The following ASTN2 variants were observed in gnomAD, a reference collection of about 807,000 sequenced individuals.
ASTN2 encodes astrotactin-2.
Under a neutral mutation model 139.8 loss-of-function variants are expected in ASTN2, and 54 were observed. That is an observed-to-expected ratio of 0.39 (90% CI 0.31 to 0.48). The LOEUF is 0.48. Among genes scored for constraint, ASTN2 ranks in the 20% least tolerant of loss-of-function variants. ASTN2 has a pLI of 0.95. For synonymous variants in ASTN2, 756 were observed against 719.5 expected (o/e 1.05, Z -0.81); for missense variants, 1,565 against 1,725.1 (o/e 0.91, Z 1.64).
At chr9:117,008,025 G>T in intron 7 of ASTN2, 67 bp downstream of exon 7, 1 of 1,454,556 alleles carries the variant, frequency 6.9e-7, no homozygotes, top group Non-Finnish European at 9.1e-7. Flanking sequence ...TAGGTAGAGG[G>T]AGCACAATGC....
At chr9:116,570,086 T>G (rs1853434804) in intron 19 of ASTN2, among the ~76,000 whole-genome samples, 1 of 152,176 alleles carries the variant, frequency 6.6e-6, no homozygotes, top group Admixed American at 6.5e-5. Flanking sequence ...CTCCCTAACT[T>G]TGTTGTCTTG....
intron 10 of ASTN2, among the ~76,000 whole-genome samples, chr9:116,964,265 G>GCGCGCGCGCA (rs138836463): frequency 0.055 from 8,278 of 149,370 alleles, 361 homozygotes; most frequent in Non-Finnish European, 0.075. Context: ...GTGCGCGCGC[G>GCGCGCGCGCA]CGCGTGTGTG....
intron 19 of ASTN2, among the ~76,000 whole-genome samples, chr9:116,594,191 C>G (rs1254076610): frequency 6.6e-6 from 1 of 152,204 alleles, no homozygotes; most frequent in African/African-American, 2.4e-5. Context: ...CTCAATACAT[C>G]AATAGTAATC....
At chr9:116,653,338 T>C (rs991722198) in intron 16 of ASTN2, among the ~76,000 whole-genome samples, 15 of 152,332 alleles carry the variant, frequency 9.8e-5, no homozygotes, top group African/African-American at 3.4e-4. Context: ...TAAACTCTCA[T>C]CTCTGTTTCA....
intron 11 of ASTN2, among the ~76,000 whole-genome samples, chr9:116,836,015 G>T (rs955787415): frequency 4.6e-5 from 7 of 152,074 alleles, no homozygotes; most frequent in African/African-American, 1.7e-4. Context: ...GGAAGGTAGT[G>T]GCCTTGTTAC....
At chr9:117,093,073 GC>G (rs1354770368) in intron 5 of ASTN2, among the ~76,000 whole-genome samples, 1 of 152,144 alleles carries the variant, frequency 6.6e-6, no homozygotes, top group Non-Finnish European at 1.5e-5. Context: ...TCAGAAATAT[GC>G]CCCATGTCCC....
At chr9:116,835,868 C>T (rs1831974210) in intron 11 of ASTN2, among the ~76,000 whole-genome samples, 1 of 152,124 alleles carries the variant, frequency 6.6e-6, no homozygotes. Flanking sequence ...CTCACTATAG[C>T]CTCAAACTCC....
intron 3 of ASTN2, among the ~76,000 whole-genome samples, chr9:117,213,782 A>G (rs1832219582): frequency 6.6e-6 from 1 of 152,198 alleles, no homozygotes; most frequent in African/African-American, 2.4e-5. Context: ...GAAAAATTAG[A>G]ATTTCTGTCT....
chr9:117,167,756 T>G (rs1188714758), intron 3 of ASTN2, among the ~76,000 whole-genome samples: 1 of 152,108 alleles, frequency 6.6e-6, no homozygotes, highest in African/African-American at 2.4e-5. Context: ...GAGAGAGACA[T>G]CAAGTAATTT....
rs557481324 is a variant in ASTN2 at position 116,841,049 on chromosome 9, G to A, written c.2041-20266C>T. The stretch of plus-strand genomic sequence containing the variant: ...GGCTGCTGGGAGGTGGAGGTTGCAC[G>A]AGCCAAGATCACGCCACTGCACTCC... On this transcript the variant is annotated intron_variant, in intron 11 of 22. Coordinates refer to ENST00000313400, the MANE Select transcript of ASTN2 (RefSeq NM_001365068.1). 5.3e-5 allele frequency among the ~76,000 whole-genome samples: 8 copies of A among 151,194 alleles called. No homozygotes were observed. In the East Asian group the frequency reaches 9.9e-4, roughly 19 times the overall value.
chr9:117,030,901 T>A (rs1838229220), intron 6 of ASTN2, among the ~76,000 whole-genome samples: 1 of 152,152 alleles, frequency 6.6e-6, no homozygotes, highest in South Asian at 2.1e-4. Context: ...TCATTACAGA[T>A]CTCATTTTAA....
chr9:116,762,527 G>A (rs575188135), intron 13 of ASTN2, among the ~76,000 whole-genome samples: 1 of 152,310 alleles, frequency 6.6e-6, no homozygotes, highest in African/African-American at 2.4e-5. Flanking sequence ...ACTATTAACT[G>A]CAGGCCAAAT....
chr9:116,732,495 C>T (rs926069169), intron 14 of ASTN2, among the ~76,000 whole-genome samples: 1 of 152,198 alleles, frequency 6.6e-6, no homozygotes, highest in African/African-American at 2.4e-5. Flanking sequence ...CAATTCCCCT[C>T]TCAGTGAAAG....
At position 116,698,318 on chromosome 9, in the gene ASTN2, G is replaced by A. The variant is rs771841455; in HGVS notation, c.2806+27453C>T. The A allele has an allele frequency of 1.9e-6, 3 of 1,614,140 alleles. No homozygotes were observed. The highest frequency in any genetic ancestry group is 2.2e-5 in the East Asian group (1 of 44,874). Reference sequence around the variant, plus strand: ...TTCTCCAGGAGTATGGGCATGAGGAGCGCAGGGTCCAGGATGAGCTGGCTC... The same window carrying A: ...TTCTCCAGGAGTATGGGCATGAGGAACGCAGGGTCCAGGATGAGCTGGCTC... On this transcript the variant is annotated intron_variant, in intron 16 of 22. Transcript: ENST00000313400. The surrounding 1 kb of genome is among the most constrained non-coding windows in gnomAD (Gnocchi z 4.4).
intron 16 of ASTN2, among the ~76,000 whole-genome samples, chr9:116,655,796 T>A (rs1246128973): frequency 6.6e-6 from 1 of 152,064 alleles, no homozygotes; most frequent in African/African-American, 2.4e-5. Context: ...GCTTAAGCAA[T>A]CCCCCCACCT....
At position 116,590,264 on chromosome 9, in the gene ASTN2, C is replaced by T. The variant is rs567455273; in HGVS notation, c.3355+28060G>A. On this transcript the variant is annotated intron_variant, in intron 19 of 22. Transcript: ENST00000313400. ...GGACCTGGGGATCACCCCCTTCCCC[C>T]ACAGGCTCAGAAATACCTGCTCCCA... is the stretch of plus-strand genomic sequence containing the variant. Among the ~76,000 whole-genome samples, 6 of 152,344 alleles carry T rather than the reference C, an allele frequency of 3.9e-5. No homozygotes were observed. In the South Asian group the frequency reaches 1.0e-3, roughly 26 times the overall value.
chr9:117,174,390 A>G (rs1331214262), intron 3 of ASTN2, among the ~76,000 whole-genome samples: 3 of 152,022 alleles, frequency 2.0e-5, no homozygotes, highest in Non-Finnish European at 4.4e-5. Context: ...TAAAATAGCC[A>G]TATAAATATT....
intron 19 of ASTN2, among the ~76,000 whole-genome samples, chr9:116,556,007 C>T (rs980667857): frequency 2.0e-5 from 3 of 152,220 alleles, no homozygotes; most frequent in African/African-American, 7.2e-5. Context: ...CCATCCAATC[C>T]TCTCTTCAAC....
chr9:117,104,760 C>T (rs1829063151), intron 4 of ASTN2, among the ~76,000 whole-genome samples: 1 of 152,152 alleles, frequency 6.6e-6, no homozygotes, highest in Admixed American at 6.5e-5. Flanking sequence ...CTCCAATGAA[C>T]TTCTAATGCT....
Sources: gnomAD v4.1 joint callset for allele counts (sites outside exome capture counted in the v4.1 genomes callset) on GRCh38, gnomAD v4.1.1 for gene constraint, Gnocchi (gnomAD v3.1) non-coding constraint, MANE v1.5 for transcripts, NCBI Gene and HGNC (gene_info 2026-07-23, HGNC 2026-07-21) for gene names.